Variants in AFF3 observed in about 807,000 individuals in gnomAD.
AFF3 encodes the protein AF4/FMR2 family member 3.
Under a neutral mutation model 129.7 loss-of-function variants are expected in AFF3, and 32 were observed. The observed-to-expected ratio is 0.25, with a 90% CI of 0.19 to 0.33. AFF3 has a LOEUF of 0.33. Among genes scored for constraint, AFF3 ranks in the 10% least tolerant of loss-of-function variants. The pLI is 1.00. For missense variants in AFF3, 1,373 were observed against 1,592.0 expected (o/e 0.86, Z 2.34); for synonymous variants, 644 against 635.4 (o/e 1.01, Z -0.20).
intron 11 of AFF3, among the ~76,000 whole-genome samples, chr2:99,677,061 A>C (rs1674006828): frequency 6.6e-6 from 1 of 152,156 alleles, no homozygotes; most frequent in Admixed American, 6.5e-5. Flanking sequence ...TGAGCCCAAG[A>C]GTTCGAGATC....
At chr2:100,032,472 C>G (rs1684580398) in intron 4 of AFF3, among the ~76,000 whole-genome samples, 1 of 152,034 alleles carries the variant, frequency 6.6e-6, no homozygotes, top group Non-Finnish European at 1.5e-5. Context: ...GGGATTCTAG[C>G]TGTGCTCTGT....
chr2:99,648,917 A>ACACACACACACACACACT, intron 13 of AFF3, among the ~76,000 whole-genome samples: 30 of 46,918 alleles, frequency 6.4e-4, no homozygotes, highest in African/African-American at 1.9e-3. Flanking sequence ...ACACACACAC[A>ACACACACACACACACACT]CTCTCTCTCT....
intron 8 of AFF3, among the ~76,000 whole-genome samples, chr2:99,814,018 A>G (rs1308301369): frequency 6.6e-6 from 1 of 152,162 alleles, no homozygotes; most frequent in African/African-American, 2.4e-5. Flanking sequence ...CAACCTTGCA[A>G]TGGAGGGGTC....
chr2:99,613,308 T>C (rs1019754098), intron 13 of AFF3, among the ~76,000 whole-genome samples: 6 of 152,204 alleles, frequency 3.9e-5, no homozygotes, highest in Non-Finnish European at 8.8e-5. Context: ...TTAAGTAATA[T>C]AAAAGTTATC....
At chr2:99,730,002 A>G (rs894506755) in intron 10 of AFF3, among the ~76,000 whole-genome samples, 1 of 152,206 alleles carries the variant, frequency 6.6e-6, no homozygotes, top group Non-Finnish European at 1.5e-5. Context: ...ATATGCAAAT[A>G]TATATGCATA....
chr2:99,991,318 G>A (rs1394692992), intron 7 of AFF3, among the ~76,000 whole-genome samples: 1 of 152,204 alleles, frequency 6.6e-6, no homozygotes, highest in Non-Finnish European at 1.5e-5. Flanking sequence ...TTCTTGCCAT[G>A]TTTGGGTCTT....
chr2:100,007,657 T>C (rs2104742787), intron 5 of AFF3, 197 bp from the exon 6 acceptor site: 2 of 614,984 alleles, frequency 3.3e-6, no homozygotes, highest in Middle Eastern at 4.4e-4. Flanking sequence ...AAGCCTGTAA[T>C]GGCCTTGGGG....
intron 11 of AFF3, among the ~76,000 whole-genome samples, chr2:99,706,035 A>G (rs545149199): frequency 6.6e-6 from 1 of 152,266 alleles, no homozygotes; most frequent in Admixed American, 6.5e-5. Flanking sequence ...GCCACACTTA[A>G]GCAGAATCCC....
At chr2:99,955,168 A>C (rs1676524090) in intron 7 of AFF3, among the ~76,000 whole-genome samples, 1 of 152,194 alleles carries the variant, frequency 6.6e-6, no homozygotes, top group Non-Finnish European at 1.5e-5. Flanking sequence ...GAAATGCTTC[A>C]ATTATCACCA....
At chr2:100,000,826 CTGGT>C (rs1253077153) in intron 7 of AFF3, among the ~76,000 whole-genome samples, 1 of 152,208 alleles carries the variant, frequency 6.6e-6, no homozygotes, top group Non-Finnish European at 1.5e-5. Flanking sequence ...CCAGTTCTTG[CTGGT>C]CTCCATAGCT....
rs192610888 is a variant in AFF3 at position 99,558,646 on chromosome 2, T to A, written c.3285+229A>T. Among the ~76,000 whole-genome samples, 7 of 151,650 alleles carry A rather than the reference T, an allele frequency of 4.6e-5. No homozygotes were observed. The East Asian group carries it at 9.7e-4, about 21-fold the overall frequency. ...CCAAAAATACATAAAAAAATAAAAA[T>A]AAAAAAATAAAAATACTTGGACAAG... On this transcript the variant is annotated intron_variant, in intron 22 of 24. Transcript: ENST00000672756.
At chr2:99,570,109 G>T (rs1575383750) in intron 18 of AFF3, among the ~76,000 whole-genome samples, 1 of 152,162 alleles carries the variant, frequency 6.6e-6, no homozygotes, top group Non-Finnish European at 1.5e-5. Flanking sequence ...TCCATTCATT[G>T]TGGTGGGTCT....
intron 22 of AFF3, among the ~76,000 whole-genome samples, chr2:99,556,317 C>T (rs552979449): frequency 1.6e-4 from 24 of 152,090 alleles, no homozygotes; most frequent in Admixed American, 5.9e-4. Context: ...TGGTGGCACA[C>T]GCCTGTAATC....
chr2:99,830,747 A>C (rs185431686), intron 8 of AFF3, among the ~76,000 whole-genome samples: 297 of 152,306 alleles, frequency 2.0e-3, no homozygotes, highest in Non-Finnish European at 3.4e-3. Context: ...AAAAGACAAA[A>C]ACAAAAACAA....
intron 11 of AFF3, among the ~76,000 whole-genome samples, chr2:99,676,617 G>A (rs909503958): frequency 4.6e-5 from 7 of 152,322 alleles, no homozygotes; most frequent in African/African-American, 1.7e-4. Context: ...CCCTAGGAGG[G>A]AAGTGGGCCT....
chr2:99,933,117 T>C (rs1674192723), intron 7 of AFF3, among the ~76,000 whole-genome samples: 2 of 152,172 alleles, frequency 1.3e-5, no homozygotes, highest in Non-Finnish European at 2.9e-5. Flanking sequence ...GGCTGAGCCC[T>C]GTGCTATTAG....
intron 8 of AFF3, among the ~76,000 whole-genome samples, chr2:99,796,010 G>A (rs1398062547): frequency 6.6e-6 from 1 of 152,114 alleles, no homozygotes; most frequent in Non-Finnish European, 1.5e-5. Context: ...AGATTGTTTA[G>A]TATCTATATT....
At chr2:99,951,770 C>T (rs1435356444) in intron 7 of AFF3, among the ~76,000 whole-genome samples, 1 of 152,170 alleles carries the variant, frequency 6.6e-6, no homozygotes, top group Non-Finnish European at 1.5e-5. Context: ...CTCAGCCTCC[C>T]GAGTAGCTGG....
At chr2:100,031,267 G>A (rs911308680) in intron 4 of AFF3, among the ~76,000 whole-genome samples, 2 of 152,188 alleles carry the variant, frequency 1.3e-5, no homozygotes, top group Non-Finnish European at 2.9e-5. Flanking sequence ...AATAGATGGT[G>A]AATAATGGAA....
Sources: gnomAD v4.1 joint callset for allele counts (sites outside exome capture counted in the v4.1 genomes callset) on GRCh38, gnomAD v4.1.1 for gene constraint, MANE v1.5 for transcripts, NCBI Gene and HGNC (gene_info 2026-07-23, HGNC 2026-07-21) for gene names.